The following ADAMTS9 variants were observed in gnomAD, a reference collection of about 807,000 sequenced individuals.
The protein encoded by ADAMTS9 is A disintegrin and metalloproteinase with thrombospondin motifs 9.
ADAMTS9 carries 107 observed loss-of-function variants against 257.1 expected under a neutral mutation model. The observed-to-expected ratio is 0.42, with a 90% CI of 0.36 to 0.49. ADAMTS9 has a LOEUF of 0.49. Ranked by LOEUF, ADAMTS9 falls within the 20% of genes least tolerant of loss-of-function variation. ADAMTS9 has a pLI of 0.03. For missense variants in ADAMTS9, 2,353 were observed against 2,469.1 expected, an observed-to-expected ratio of 0.95 and a Z score of 1.00; for synonymous variants, 982 against 880.9, an observed-to-expected ratio of 1.11 and a Z score of -2.03.
In ADAMTS9 at chr3:64,625,696, A is replaced by G. The variant is rs553003987; in HGVS notation, c.2390-3110T>C. ...GAATAAGGTGCCTTCATCTGAAATG[A>G]CTGAGAAGAATGTGGTGACACTGGG... is the stretch of plus-strand genomic sequence containing the variant. On this transcript the variant is annotated intron_variant, in intron 16 of 39. Coordinates refer to ENST00000498707, the MANE Select transcript of ADAMTS9 (RefSeq NM_182920.2). 2.1e-4 allele frequency among the ~76,000 whole-genome samples: 32 copies of G among 152,342 alleles called. No individual in the cohort carries two copies. The South Asian group carries it at 6.4e-3, about 31-fold the overall frequency.
At chr3:64,630,828 CTG>C (rs1270065241) in intron 16 of ADAMTS9, among the ~76,000 whole-genome samples, 3 of 152,232 alleles carry the variant, frequency 2.0e-5, no homozygotes, top group Non-Finnish European at 4.4e-5. Context: ...GCTGAGCAAA[CTG>C]TTGAAAATCA....
rs769716667 is a variant in ADAMTS9 at position 64,615,304 on chromosome 3, C to T, written c.3189+17G>A. ...GTAAGAGATGACCTAGGGGAAATAA[C>T]AGCCCTCCCATCTTACCTCTGACCA... On this transcript the variant is annotated intron_variant, in intron 21 of 39. Transcript: ENST00000498707. The T allele has an allele frequency of 2.5e-6, 4 of 1,611,210 alleles. No individual in the cohort carries two copies. Among genetic ancestry groups the T allele is most frequent in the Middle Eastern group, 1.7e-4 (1 of 6,022 alleles).
At position 64,561,738 on chromosome 3, in the gene ADAMTS9, C is replaced by CAGAGCACTTAGGACACAGAGCACTT. The variant is rs1244966564; in HGVS notation, c.4537_4538insAAGTGCTCTGTGTCCTAAGTGCTCT (p.Cys1513Ter). On this transcript the variant is annotated stop_gained and frameshift_variant, in exon 30 of 40. Coordinates refer to ENST00000498707, the MANE Select transcript of ADAMTS9 (RefSeq NM_182920.2). LOFTEE classifies it high-confidence loss of function. Reference sequence around the variant, plus strand: ...ATGCCTCTGCTGTACGCCTCGGCCACAGGACACAGAGCACTAAGAAGACAG... The same window carrying CAGAGCACTTAGGACACAGAGCACTT: ...ATGCCTCTGCTGTACGCCTCGGCCACAGAGCACTTAGGACACAGAGCACTTAGGACACAGAGCACTAAGAAGACAG... The CAGAGCACTTAGGACACAGAGCACTT allele has an allele frequency of 6.2e-7, 1 of 1,606,358 alleles. No homozygotes were observed. Among genetic ancestry groups the CAGAGCACTTAGGACACAGAGCACTT allele is most frequent in the Non-Finnish European group, 8.5e-7 (1 of 1,178,274 alleles).
At chr3:64,529,708 T>G (rs1343749084) in intron 38 of ADAMTS9, among the ~76,000 whole-genome samples, 2 of 152,146 alleles carry the variant, frequency 1.3e-5, no homozygotes, top group Non-Finnish European at 2.9e-5. Flanking sequence ...TTGGCTTCAT[T>G]TAGGTTAGTG....
intron 22 of ADAMTS9, among the ~76,000 whole-genome samples, chr3:64,609,421 A>C (rs911638877): frequency 9.2e-5 from 14 of 152,178 alleles, no homozygotes; most frequent in African/African-American, 3.1e-4. Flanking sequence ...GCTAATAAAC[A>C]AATTTAGCAA....
chr3:64,594,155 G>A, intron 28 of ADAMTS9, 103 bp downstream of exon 28: 1 of 1,236,296 alleles, frequency 8.1e-7, no homozygotes, highest in African/African-American at 1.5e-5. Flanking sequence ...AGAGTTTCTG[G>A]GATGCCCTTG....
At chr3:64,670,078 G>T (rs1364537337) in intron 3 of ADAMTS9, among the ~76,000 whole-genome samples, 1 of 152,136 alleles carries the variant, frequency 6.6e-6, no homozygotes, top group Non-Finnish European at 1.5e-5. Context: ...CAGGGCATGT[G>T]GTCATAAGGA....
intron 31 of ADAMTS9, chr3:64,550,484 C>G (rs2083256975): frequency 6.1e-6 from 1 of 164,708 alleles, no homozygotes; most frequent in African/African-American, 2.4e-5. Context: ...AGATTCTGCT[C>G]CCTTCACACA....
At position 64,550,985 on chromosome 3, in the gene ADAMTS9, C is replaced by G; in HGVS notation, c.4776G>C (p.Gly1592=). The G allele has an allele frequency of 1.2e-6, 2 of 1,614,192 alleles. No homozygotes were observed. Among genetic ancestry groups the G allele is most frequent in the Non-Finnish European group, 1.7e-6 (2 of 1,180,026 alleles). ...CVDDNKNEVH[G]ARCDVSKRPV... ...GCCGCTTGCTCACGTCACAGCGTGC[C>G]CCATGCACCTCGTTTTTGTTGTCAT... Residue 1592 remains glycine (G), a synonymous_variant, in exon 31 of 40, where the codon GGG becomes GGC. Coordinates refer to ENST00000498707, the MANE Select transcript of ADAMTS9 (RefSeq NM_182920.2).
chr3:64,640,091 T>C (rs115356733), intron 12 of ADAMTS9, among the ~76,000 whole-genome samples: 2,438 of 152,310 alleles, frequency 0.016, 73 homozygotes, highest in African/African-American at 0.054. Context: ...ATATAGGCTA[T>C]ATAGAAAATC....
chr3:64,554,976 A>G (rs13059202), intron 30 of ADAMTS9, among the ~76,000 whole-genome samples: 101,494 of 152,072 alleles, frequency 0.67, 38,193 homozygotes, highest in Non-Finnish European at 0.86. Flanking sequence ...TACACTTTCA[A>G]ATATATCTTT....
chr3:64,535,722 T>G (rs751720235), intron 37 of ADAMTS9, among the ~76,000 whole-genome samples: 6 of 151,792 alleles, frequency 4.0e-5, no homozygotes, highest in Non-Finnish European at 8.8e-5. Context: ...CCCAGCTAAT[T>G]TTTATTTTGG....
intron 3 of ADAMTS9, among the ~76,000 whole-genome samples, chr3:64,661,069 T>A (rs1009449256): frequency 6.6e-6 from 1 of 152,180 alleles, no homozygotes; most frequent in African/African-American, 2.4e-5. Flanking sequence ...GTTTTAGACA[T>A]CCACTGGGGA....
chr3:64,670,957 TA>T (rs1171994568), intron 3 of ADAMTS9, among the ~76,000 whole-genome samples: 1 of 152,168 alleles, frequency 6.6e-6, no homozygotes, highest in African/African-American at 2.4e-5. Context: ...CAAAATGGCA[TA>T]ACCACTTTGA....
At chr3:64,534,319 C>T (rs984159533) in intron 37 of ADAMTS9, among the ~76,000 whole-genome samples, 2 of 152,332 alleles carry the variant, frequency 1.3e-5, no homozygotes, top group East Asian at 1.9e-4. Context: ...ACTCTCTTCC[C>T]TCTGAGCACC....
intron 3 of ADAMTS9, among the ~76,000 whole-genome samples, chr3:64,662,995 G>A (rs1157035080): frequency 3.9e-5 from 6 of 151,976 alleles, no homozygotes; most frequent in Non-Finnish European, 8.8e-5. Context: ...TTTAGACTTG[G>A]GTTCTATGCT....
rs768061654 is a variant in ADAMTS9 at position 64,561,674 on chromosome 3, C to G, written c.4602G>C (p.Glu1534Asp). Residue 1534 changes from glutamate (E) to aspartate (D), a missense_variant, in exon 30 of 40, where the codon GAG (glutamate) becomes GAC (aspartate). Physicochemically the swap from Glu to Asp is conservative, Grantham distance 45. Around this residue, in one of 3 missense-constraint regions of ADAMTS9, gnomAD observed 1,402 missense variants for 1,441.4 expected, o/e 0.97. Coordinates refer to ENST00000498707, the MANE Select transcript of ADAMTS9 (RefSeq NM_182920.2). ...CQIGTHKIAR[E>D]TECNPYTRPE... Reference sequence around the variant, plus strand: ...GTCTGGTGTATGGGTTGCACTCGGTCTCTCTGGCTATTTTGTGTGTTCCGA... The same window carrying G: ...GTCTGGTGTATGGGTTGCACTCGGTGTCTCTGGCTATTTTGTGTGTTCCGA... The G allele has an allele frequency of 1.2e-6, 2 of 1,613,890 alleles. No homozygotes were observed. The highest frequency in any genetic ancestry group is 2.7e-5 in the African/African-American group (2 of 74,866).
chr3:64,658,775 G>A lies in ADAMTS9; in HGVS notation c.696C>T (p.His232=), dbSNP rs1395284859. ...CTCTGGTTTTCTTCTTGTCTTTACT[G>A]TGCCTATTTTTGTGTTCTGTAACAA... ...ACDTSEHKNR[H]SKDKKKTRAR... is the part of the protein sequence containing the mutation. Residue 232 remains histidine, a synonymous_variant, in exon 4 of 40, where the codon CAC becomes CAT. Coordinates refer to ENST00000498707, the MANE Select transcript of ADAMTS9 (RefSeq NM_182920.2). 1.2e-6 allele frequency: 2 copies of A among 1,613,090 alleles called. No homozygotes were observed. The highest frequency in any genetic ancestry group is 1.3e-5 in the African/African-American group (1 of 74,860).
intron 30 of ADAMTS9, among the ~76,000 whole-genome samples, chr3:64,558,083 C>T (rs1432504274): frequency 6.6e-6 from 1 of 152,106 alleles, no homozygotes; most frequent in Non-Finnish European, 1.5e-5. Flanking sequence ...GTAGGTGTTA[C>T]AACCCAGTAA....
Sources: allele counts gnomAD v4.1 joint callset (sites outside exome capture counted in the v4.1 genomes callset), GRCh38; gene constraint gnomAD v4.1.1; regional missense constraint gnomAD v4.1.1; transcripts MANE v1.5; gene names NCBI Gene and HGNC (gene_info 2026-07-23, HGNC 2026-07-21).